Variants in SEMA4C observed in about 807,000 individuals in gnomAD.
SEMA4C encodes semaphorin-4C.
A neutral mutation model predicts 89.0 loss-of-function variants in SEMA4C; 19 were observed. The observed-to-expected ratio is 0.21, with a 90% CI of 0.15 to 0.31. The LOEUF is 0.31. SEMA4C is among the 10% of genes least tolerant of loss of function. The pLI is 1.00. For synonymous variants in SEMA4C, 428 were observed against 472.7 expected (o/e 0.91, Z 1.23); for missense variants, 811 against 1,107.0 (o/e 0.73, Z 3.79).
At chr2:96,867,531 G>C (rs141600653) in intron 2 of SEMA4C, among the ~76,000 whole-genome samples, 1 of 152,150 alleles carries the variant, frequency 6.6e-6, no homozygotes, top group Non-Finnish European at 1.5e-5. Context: ...TTCAAGAAGC[G>C]AGGCGTGGAG....
chr2:96,867,708 C>A (rs1013659800), intron 2 of SEMA4C, 70 bp downstream of exon 2: 8 of 1,446,752 alleles, frequency 5.5e-6, no homozygotes, highest in African/African-American at 1.4e-5. Context: ...GAGAATAAAG[C>A]CAGCACACTA....
In SEMA4C at chr2:96,860,054, A is replaced by G. The variant is rs1249686307; in HGVS notation, c.*572T>C. 1 of 118,658 alleles carries G rather than the reference A, an allele frequency of 8.4e-6. No individual in the cohort carries two copies. The highest frequency in any genetic ancestry group is 3.2e-5 in the African/African-American group (1 of 30,986). The allele number at this position is 118,658 out of a possible 1,614,324, so 7.4% of individuals were successfully genotyped here. Reference sequence around the variant, plus strand: ...CCACCCTGAAAACATTCACAGCCCTAGGAGCAGGACTAGGCCCACCCCAAG... The same window carrying G: ...CCACCCTGAAAACATTCACAGCCCTGGGAGCAGGACTAGGCCCACCCCAAG... On this transcript the variant is annotated 3_prime_UTR_variant, in exon 15 of 15. Coordinates refer to ENST00000305476, the MANE Select transcript of SEMA4C (RefSeq NM_017789.5).
At chr2:96,868,494 C>T (rs2080132501) in intron 1 of SEMA4C, 7 of 988,864 alleles carry the variant, frequency 7.1e-6, no homozygotes, top group Non-Finnish European at 8.4e-6. Context: ...CCTGCAGAAC[C>T]CCAAACCCCG....
Position 96,865,374 on chromosome 2 carries a change from C to T in SEMA4C, c.518-54G>A. The T allele has an allele frequency of 6.8e-6, 11 of 1,610,698 alleles. No individual in the cohort carries two copies. In the South Asian group the frequency reaches 1.1e-4, roughly 16 times the overall value. ...CACATGAGGTATGGACACATCCGGC[C>T]AACACAGACCCAAGTGGAACCAAGC... On this transcript the variant is annotated intron_variant, in intron 6 of 14. Coordinates refer to ENST00000305476, the MANE Select transcript of SEMA4C (RefSeq NM_017789.5).
intron 12 of SEMA4C, 31 bp downstream of exon 12, chr2:96,863,651 G>A (rs764123072): frequency 1.3e-5 from 20 of 1,575,818 alleles, no homozygotes; most frequent in Non-Finnish European, 1.7e-5. Context: ...ATAGTGCTGG[G>A]GACAGTGGCA....
chr2:96,869,301 G>T, intron 1 of SEMA4C: 1 of 985,368 alleles, frequency 1.0e-6, no homozygotes, highest in African/African-American at 1.7e-5. Context: ...GGGGTTGGGG[G>T]GAGGGGTGCG....
At position 96,861,912 on chromosome 2, in the gene SEMA4C, C is replaced by T. The variant is rs764215080; in HGVS notation, c.1444-18G>A. ...AGCAGCTTCTGCGAGAAAAGCGGGG[C>T]GCAGGAGGGGGGTCGGCCAGGGCCA... On this transcript the variant is annotated intron_variant, in intron 12 of 14. Coordinates refer to ENST00000305476, the MANE Select transcript of SEMA4C (RefSeq NM_017789.5). This position sits in a 1 kb window ranked among gnomAD's most constrained non-coding sequence, Gnocchi z 7.8. 1.2e-5 allele frequency: 19 copies of T among 1,595,566 alleles called. No individual in the cohort carries two copies. In the East Asian group the frequency reaches 2.0e-4, roughly 17 times the overall value.
chr2:96,860,288 G>GCA lies in SEMA4C; in HGVS notation c.*336_*337dup, dbSNP rs1292488705. 5 of 299,722 alleles carry GCA rather than the reference G, an allele frequency of 1.7e-5. No homozygotes were observed. Among genetic ancestry groups the GCA allele is most frequent in the Admixed American group, 4.9e-5 (1 of 20,422 alleles). 18.6% of individuals were successfully genotyped at this position (299,722 alleles called of 1,614,324 possible). On this transcript the variant is annotated 3_prime_UTR_variant, in exon 15 of 15. Coordinates refer to ENST00000305476, the MANE Select transcript of SEMA4C (RefSeq NM_017789.5). ...CTATGCCACAAGCGCGCACGCGCGT[G>GCA]CACACACACATACACACACACACAA...
In SEMA4C at chr2:96,865,449, A is replaced by C. The variant is rs2080047656; in HGVS notation, c.509T>G (p.Leu170Arg). ...GGGGGGCAGCCACTCACCCACAAGA[A>C]GGCCAGCATGGCCCTTAGCTGGGTC... ...PYDPAKGHAG[L>R]LVDGELYSAT... Residue 170 changes from leucine to arginine, a missense_variant, in exon 6 of 15, where the codon CTT becomes CGT. Leu to Arg is a moderately radical substitution (Grantham distance 102, BLOSUM62 -2). Around this residue, in one of 4 missense-constraint regions of SEMA4C, gnomAD observed 441 missense variants for 664.9 expected, o/e 0.66. Transcript: ENST00000305476. 2 of 1,613,782 alleles carry C rather than the reference A, an allele frequency of 1.2e-6. 1 individual carries two copies. Among genetic ancestry groups the C allele is most frequent in the South Asian group, 2.2e-5 (2 of 91,088 alleles).
rs545450524 is a variant in SEMA4C at position 96,860,285 on chromosome 2, C to T, written c.*341G>A. The T allele has an allele frequency of 7.6e-4, 220 of 287,600 alleles. No homozygotes were observed. The highest frequency in any genetic ancestry group is 4.3e-3 in the African/African-American group (200 of 46,006). 17.8% of individuals were successfully genotyped at this position (287,600 alleles called of 1,614,324 possible). A position where few individuals can be genotyped will look rare whatever the true frequency, so the allele number is the denominator to read the frequency against. On this transcript the variant is annotated 3_prime_UTR_variant, in exon 15 of 15. Transcript: ENST00000305476. ...AGGCTATGCCACAAGCGCGCACGCGCGTGCACACACACATACACACACACA... is the reference window on the plus strand; with the variant it reads ...AGGCTATGCCACAAGCGCGCACGCGTGTGCACACACACATACACACACACA...
At chr2:96,870,463 C>G (rs2153366322), upstream of SEMA4C, 13 of 937,608 alleles carry the variant, frequency 1.4e-5, no homozygotes, top group African/African-American at 1.8e-5. Context: ...CAGGAACGAC[C>G]GCGGGCGAGC....
At position 96,860,881 on chromosome 2, in the gene SEMA4C, A is replaced by T. The variant is rs776475256; in HGVS notation, c.2247T>A (p.His749Gln). 4 of 1,613,178 alleles carry T rather than the reference A, an allele frequency of 2.5e-6. No homozygotes were observed. The highest frequency in any genetic ancestry group is 1.3e-5 in the African/African-American group (1 of 75,052). The change falls in exon 15 of 15, where the codon CAT becomes CAA. Residue 749 changes from histidine (H) to glutamine (Q), a missense_variant. His to Gln is a conservative substitution (Grantham distance 24). This residue lies in a region of SEMA4C where 248 missense variants were observed against 269.0 expected (regional missense o/e 0.92). Coordinates refer to ENST00000305476, the MANE Select transcript of SEMA4C (RefSeq NM_017789.5). ...SDGSLKIVPG[H>Q]ARCQPGGGPP... ...GCCCCCCACCGGGCTGGCACCGGGC[A>T]TGCCCAGGTACTATCTTAAGGGAGC...
chr2:96,864,862 G>C lies in SEMA4C; in HGVS notation c.805C>G (p.Arg269Gly). 6.2e-7 allele frequency: 1 copy of C among 1,613,242 alleles called. No homozygotes were observed. ...GTGGTCCACTTCCTCTGCAGGGTCCGTGCGCCCCCCATATCGCCCTGGCAG... is the reference window on the plus strand; with the variant it reads ...GTGGTCCACTTCCTCTGCAGGGTCCCTGCGCCCCCCATATCGCCCTGGCAG... The part of the protein sequence containing the change: ...RVCKGDMGGA[R>G]TLQRKWTTFL... The change falls in exon 9 of 15, where the codon CGG (arginine) becomes GGG (glycine). Residue 269 changes from arginine (R) to glycine (G), a missense_variant. By Grantham distance (125) the Arg-to-Gly change is moderately radical. Around this residue, in one of 4 missense-constraint regions of SEMA4C, gnomAD observed 441 missense variants for 664.9 expected, o/e 0.66. Transcript: ENST00000305476. This position sits in a 1 kb window ranked among gnomAD's most constrained non-coding sequence, Gnocchi z 6.3.
Position 96,861,766 on chromosome 2 carries a change from G to A in SEMA4C, c.1572C>T (p.Ser524=). Reference sequence around the variant, plus strand: ...AGTGGCCACCCACGGCCACACAGCGGCTGGTGTTGACGCTCCAGGCGCAAT... The same window carrying A: ...AGTGGCCACCCACGGCCACACAGCGACTGGTGTTGACGCTCCAGGCGCAAT... The part of the protein sequence containing the change: ...DPYCAWSVNT[S]RCVAVGGHSG... Residue 524 remains serine (S), a synonymous_variant, in exon 13 of 15, where the codon AGC becomes AGT. Transcript: ENST00000305476. This position sits in a 1 kb window ranked among gnomAD's most constrained non-coding sequence, Gnocchi z 7.8. The A allele has an allele frequency of 6.2e-7, 1 of 1,613,544 alleles. No individual in the cohort carries two copies. Among genetic ancestry groups the A allele is most frequent in the East Asian group, 2.2e-5 (1 of 44,886 alleles).
chr2:96,867,771 C>G lies in SEMA4C; in HGVS notation c.109+7G>C, dbSNP rs763764624. ...CTGACTTCCTCCTCACCCCTCCAGG[C>G]ACTCACCCCCAGAAGACACTGTCTT... is the stretch of plus-strand genomic sequence containing the variant. On this transcript the variant is annotated splice_region_variant and intron_variant, in intron 2 of 14. Coordinates refer to ENST00000305476, the MANE Select transcript of SEMA4C (RefSeq NM_017789.5). 4.0e-5 allele frequency: 64 copies of G among 1,612,836 alleles called. No individual in the cohort carries two copies. The South Asian group carries it at 6.4e-4, about 16-fold the overall frequency.
At chr2:96,868,069 A>G (rs551836468) in intron 1 of SEMA4C, 146 bp from the exon 2 acceptor site, 2 of 1,155,880 alleles carry the variant, frequency 1.7e-6, no homozygotes, top group South Asian at 3.1e-5. Context: ...GGTGGACCTA[A>G]GTCCCCACAC....
intron 12 of SEMA4C, chr2:96,863,166 C>T (rs565872750): frequency 2.1e-5 from 18 of 839,658 alleles, no homozygotes; most frequent in African/African-American, 1.1e-4. Context: ...GCTGAGATCG[C>T]GTCACTGCAC....
intron 1 of SEMA4C, 107 bp from the exon 2 acceptor site, chr2:96,868,030 C>A (rs2080120833): frequency 1.4e-6 from 2 of 1,415,186 alleles, no homozygotes; most frequent in Non-Finnish European, 9.5e-7. Context: ...TCCAGGAGCC[C>A]CGGTGCCCTC....
In SEMA4C at chr2:96,860,373, C is replaced by T. The variant is rs541676404; in HGVS notation, c.*253G>A. The T allele has an allele frequency of 1.7e-4, 85 of 503,754 alleles. No homozygotes were observed. In the Admixed American group the frequency reaches 2.5e-3, roughly 15 times the overall value. 31.2% of individuals were successfully genotyped at this position (503,754 alleles called of 1,614,324 possible). A position where few individuals can be genotyped will look rare whatever the true frequency, so the allele number is the denominator to read the frequency against. On this transcript the variant is annotated 3_prime_UTR_variant, in exon 15 of 15. Coordinates refer to ENST00000305476, the MANE Select transcript of SEMA4C (RefSeq NM_017789.5). The stretch of plus-strand genomic sequence containing the variant: ...AAACTTCTGCCTTGAAAAGTTTTGG[C>T]GGCTGGGGTCCCGCGTGTCTGTGAT...
Sources: allele counts gnomAD v4.1 joint callset (sites outside exome capture counted in the v4.1 genomes callset), GRCh38; gene constraint gnomAD v4.1.1; regional missense constraint gnomAD v4.1.1; non-coding constraint Gnocchi (gnomAD v3.1); transcripts MANE v1.5; gene names NCBI Gene and HGNC (gene_info 2026-07-23, HGNC 2026-07-21).